RUNX3: variants seen among roughly 807,000 people sequenced by gnomAD.
The protein encoded by RUNX3 is RUNX family transcription factor 3, also known as runt-related transcription factor 3.
RUNX3 carries 10 observed loss-of-function variants against 27.7 expected under a neutral mutation model. That is an observed-to-expected ratio of 0.36 (90% confidence interval 0.22 to 0.61). The LOEUF is 0.61. Among genes scored for constraint, RUNX3 ranks in the 20% least tolerant of loss-of-function variants. RUNX3 has a pLI of 0.72. For missense variants in RUNX3, 469 were observed against 629.5 expected (o/e 0.75, Z 2.73); for synonymous variants, 270 against 269.2 (o/e 1.00, Z -0.03).
rs1350613179 is a variant in RUNX3 at position 24,953,375 on chromosome 1, A to AG, written c.58+11138_58+11139insC. Among the ~76,000 whole-genome samples the AG allele has an allele frequency of 2.3e-3, 316 of 137,050 alleles. 2 individuals carry two copies. Among genetic ancestry groups the AG allele is most frequent in the Middle Eastern group, 3.9e-3 (1 of 254 alleles). The allele number at this position is 137,050 out of a possible 152,430, so 89.9% of individuals were successfully genotyped here. ...CCAGACTCCGTCTGAAAAAAAAAAA[A>AG]AAAAGAAAAGAAAAGAAAAGAAAAA... On this transcript the variant is annotated intron_variant, in intron 2 of 6. Coordinates refer to the RUNX3 transcript ENST00000338888.
chr1:24,923,824 A>T lies in RUNX3; in HGVS notation c.439+3750T>A, dbSNP rs2124293857. ...CACACTGCACCCCGAATCTCTGTCG[A>T]CACACAGTTGCTTTTTAACCAGTTG... On this transcript the variant is annotated intron_variant, in intron 2 of 4. Coordinates refer to ENST00000308873, the MANE Select transcript of RUNX3 (RefSeq NM_004350.3). This position sits in a 1 kb window ranked among gnomAD's most constrained non-coding sequence, Gnocchi z 5.9. 6.6e-6 allele frequency among the ~76,000 whole-genome samples: 1 copy of T among 152,288 alleles called. No individual in the cohort carries two copies. Among genetic ancestry groups the T allele is most frequent in the South Asian group, 2.1e-4 (1 of 4,828 alleles).
chr1:24,931,424 G>T (rs7520923), upstream of RUNX3, among the ~76,000 whole-genome samples: 1 of 152,096 alleles, frequency 6.6e-6, no homozygotes. Flanking sequence ...TAAGTCTGTC[G>T]AGCAGACCTA....
Position 24,913,125 on chromosome 1 carries a change from C to T in RUNX3, c.545-5708G>A, listed in dbSNP as rs531705399. Among the ~76,000 whole-genome samples the T allele has an allele frequency of 2.6e-5, 4 of 152,286 alleles. No homozygotes were observed. The South Asian group carries it at 6.2e-4, about 24-fold the overall frequency. On this transcript the variant is annotated intron_variant, in intron 3 of 4. Coordinates refer to ENST00000308873, the MANE Select transcript of RUNX3 (RefSeq NM_004350.3). ...CATACTGTCTAACCCCTGAGGGTGC[C>T]GATGAGCTGGAGGACAGGCCACATG... is the stretch of plus-strand genomic sequence containing the variant.
rs1461918152 is a variant in RUNX3, at chr1:24,904,970, G to A, written c.703+2289C>T. On this transcript the variant is annotated intron_variant, in intron 4 of 4. Coordinates refer to ENST00000308873, the MANE Select transcript of RUNX3 (RefSeq NM_004350.3). This position sits in a 1 kb window ranked among gnomAD's most constrained non-coding sequence, Gnocchi z 5.7. The stretch of plus-strand genomic sequence containing the variant: ...GTTTATTTTCTTCTCCAGATTGTCC[G>A]GGCTGCTGCATGGTGGCTGAATGAG... 3.3e-5 allele frequency among the ~76,000 whole-genome samples: 5 copies of A among 152,308 alleles called. No homozygotes were observed. Among genetic ancestry groups the A allele is most frequent in the Non-Finnish European group, 5.9e-5 (4 of 68,018 alleles).
intron 3 of RUNX3, among the ~76,000 whole-genome samples, chr1:24,911,083 C>T (rs1005986283): frequency 1.3e-5 from 2 of 152,210 alleles, no homozygotes; most frequent in South Asian, 2.1e-4. Flanking sequence ...GTTGTCCTTG[C>T]TCCTGAGGCC....
chr1:24,952,072 T>TAA (rs1205706286), intron 2 of RUNX3, among the ~76,000 whole-genome samples: 1 of 152,246 alleles, frequency 6.6e-6, no homozygotes, highest in Non-Finnish European at 1.5e-5. Context: ...TGGAACTATT[T>TAA]AAAAGTTGAG....
At chr1:24,960,518 G>A (rs895892533) in intron 2 of RUNX3, among the ~76,000 whole-genome samples, 1 of 151,700 alleles carries the variant, frequency 6.6e-6, no homozygotes, top group African/African-American at 2.4e-5. Flanking sequence ...TTGCCCCCCC[G>A]CCGCCCCAGA....
rs182820214 is a variant in RUNX3 at position 24,929,558 on chromosome 1, C to T, written c.282+29G>A. ...CAGACGCCCGGAGCCCCAGGGCCGG[C>T]GCCCTCCCGCCCCGGGTCCCGCACT... On this transcript the variant is annotated intron_variant, in intron 1 of 4. Coordinates refer to ENST00000308873, the MANE Select transcript of RUNX3 (RefSeq NM_004350.3). 1,938 of 1,541,270 alleles carry T rather than the reference C, an allele frequency of 1.3e-3. 27 individuals are homozygous for T. The East Asian group carries it at 0.022, about 17-fold the overall frequency.
At chr1:24,944,998 C>T (rs1641569065) in intron 2 of RUNX3, among the ~76,000 whole-genome samples, 1 of 152,178 alleles carries the variant, frequency 6.6e-6, no homozygotes. Context: ...GACAGTTCCT[C>T]AGCACATTTA....
intron 2 of RUNX3, among the ~76,000 whole-genome samples, chr1:24,921,313 C>G (rs1405508469): frequency 6.6e-6 from 1 of 152,182 alleles, no homozygotes; most frequent in Admixed American, 6.5e-5. Context: ...CAAAATTAAA[C>G]CAGCCAGGCT....
intron 4 of RUNX3, among the ~76,000 whole-genome samples, chr1:24,905,932 TGA>T (rs1161656161): frequency 6.6e-6 from 1 of 152,258 alleles, no homozygotes; most frequent in Non-Finnish European, 1.5e-5. Flanking sequence ...GCTCGAGAGC[TGA>T]GAGTCTCAAA....
intron 2 of RUNX3, among the ~76,000 whole-genome samples, chr1:24,945,234 G>T (rs527283235): frequency 6.6e-6 from 1 of 152,050 alleles, no homozygotes; most frequent in Non-Finnish European, 1.5e-5. Context: ...ATTATTTATC[G>T]TTTATCTGAA....
intron 2 of RUNX3, among the ~76,000 whole-genome samples, chr1:24,945,966 G>A (rs1003985742): frequency 2.6e-5 from 4 of 152,276 alleles, no homozygotes; most frequent in Admixed American, 2.6e-4. Flanking sequence ...CCCTGAGAAC[G>A]GAGATGGGCC....
intron 2 of RUNX3, among the ~76,000 whole-genome samples, chr1:24,947,971 C>T (rs901311345): frequency 2.0e-5 from 3 of 152,262 alleles, no homozygotes; most frequent in Non-Finnish European, 4.4e-5. Flanking sequence ...CCCACCTTCT[C>T]CCGGGCCAGT....
At chr1:24,922,368 G>C (rs764211598) in intron 2 of RUNX3, among the ~76,000 whole-genome samples, 1 of 151,556 alleles carries the variant, frequency 6.6e-6, no homozygotes, top group Non-Finnish European at 1.5e-5. Flanking sequence ...TGAGAACTAG[G>C]GTAGGAAAAA....
At chr1:24,953,376 A>AG (rs1641821897) in intron 2 of RUNX3, among the ~76,000 whole-genome samples, 1 of 115,304 alleles carries the variant, frequency 8.7e-6, no homozygotes, top group East Asian at 2.2e-4. Context: ...AAAAAAAAAA[A>AG]AAAGAAAAGA....
At chr1:24,952,720 G>A (rs759988928) in intron 2 of RUNX3, among the ~76,000 whole-genome samples, 1 of 152,122 alleles carries the variant, frequency 6.6e-6, no homozygotes. Flanking sequence ...CCCCCACAGC[G>A]GCCTGGAGAG....
intron 2 of RUNX3, among the ~76,000 whole-genome samples, chr1:24,960,942 G>A (rs1371307653): frequency 1.3e-5 from 2 of 152,112 alleles, no homozygotes; most frequent in African/African-American, 2.4e-5. Flanking sequence ...ACCCCAGGGG[G>A]CCCCTGTGCC....
At chr1:24,915,863 C>T (rs1182150398) in intron 3 of RUNX3, among the ~76,000 whole-genome samples, 4 of 152,132 alleles carry the variant, frequency 2.6e-5, no homozygotes, top group Admixed American at 2.0e-4. Context: ...GTGTCACCGC[C>T]CCTCCTGCTG....
Sources: gnomAD v4.1 joint callset for allele counts (sites outside exome capture counted in the v4.1 genomes callset) on GRCh38, gnomAD v4.1.1 for gene constraint, Gnocchi (gnomAD v3.1) non-coding constraint, MANE v1.5 for transcripts, NCBI Gene and HGNC (gene_info 2026-07-23, HGNC 2026-07-21) for gene names.